TMEM167A: variants seen among roughly 807,000 people sequenced by gnomAD.
The protein encoded by TMEM167A is protein kish-A.
In TMEM167A, 8 loss-of-function variants were observed where a neutral mutation model predicts 11.6. The observed-to-expected ratio is 0.69, with a 90% CI of 0.40 to 1.24. The LOEUF is 1.24. Among genes scored for constraint, TMEM167A ranks in the 50% most tolerant of loss-of-function variants. The pLI is 0.01. For missense variants in TMEM167A, 62 were observed against 87.0 expected (o/e 0.71, Z 1.14); for synonymous variants, 22 against 28.0 (o/e 0.79, Z 0.67).
At chr5:83,074,589 G>A (rs1321137011) in intron 1 of TMEM167A, among the ~76,000 whole-genome samples, 1 of 152,108 alleles carries the variant, frequency 6.6e-6, no homozygotes, top group African/African-American at 2.4e-5. Flanking sequence ...AGTTAACCAA[G>A]TAAAGGTTCG....
chr5:83,053,818 T>G lies in TMEM167A; in HGVS notation c.*3266A>C, dbSNP rs906640172. ...CCCTAACTGAACTGTCACTCTTCTT[T>G]ATTTTCTTCTAGAATCCTGGGATTA... On this transcript the variant is annotated 3_prime_UTR_variant, in exon 4 of 4. Transcript: ENST00000502346. 6 of 152,062 alleles carry G rather than the reference T, an allele frequency of 3.9e-5. No individual in the cohort carries two copies. The highest frequency in any genetic ancestry group is 1.4e-4 in the African/African-American group (6 of 41,440). The allele number at this position is 152,062 out of a possible 1,614,324, so 9.4% of individuals were successfully genotyped here.
At position 83,077,386 on chromosome 5, in the gene TMEM167A, G is replaced by A. The variant is rs562476203; in HGVS notation, c.-63C>T. On this transcript the variant is annotated 5_prime_UTR_variant, in exon 1 of 4. Coordinates refer to ENST00000502346, the MANE Select transcript of TMEM167A (RefSeq NM_174909.5). ...GGGGCTCAGGCGGAAGAGGCTGCAT[G>A]TCCCGTCTGCCCTTCTCGCCCTCTC... The A allele has an allele frequency of 1.9e-6, 3 of 1,613,146 alleles. No individual in the cohort carries two copies. The highest frequency in any genetic ancestry group is 2.5e-6 in the Non-Finnish European group (3 of 1,179,298).
intron 3 of TMEM167A, among the ~76,000 whole-genome samples, chr5:83,058,290 T>C (rs575272176): frequency 1.3e-4 from 20 of 152,218 alleles, no homozygotes; most frequent in South Asian, 2.1e-4. Flanking sequence ...TGTCTGCTCA[T>C]TGTTAATTTC....
intron 1 of TMEM167A, among the ~76,000 whole-genome samples, chr5:83,065,679 T>C (rs1744471719): frequency 6.6e-6 from 1 of 152,130 alleles, no homozygotes; most frequent in Non-Finnish European, 1.5e-5. Context: ...GTAAGTATAA[T>C]GCAATTATTC....
Position 83,056,982 on chromosome 5 carries a change from G to A in TMEM167A, c.*102C>T, listed in dbSNP as rs1744341241. 9.9e-7 allele frequency: 1 copy of A among 1,013,410 alleles called. No individual in the cohort carries two copies. Among genetic ancestry groups the A allele is most frequent in the Non-Finnish European group, 1.5e-6 (1 of 650,302 alleles). The allele number at this position is 1,013,410 out of a possible 1,614,324, so 62.8% of individuals were successfully genotyped here. A position where few individuals can be genotyped will look rare whatever the true frequency, so the allele number is the denominator to read the frequency against. On this transcript the variant is annotated 3_prime_UTR_variant, in exon 4 of 4. Transcript: ENST00000502346. Reference sequence around the variant, plus strand: ...CATCTGGAAATTTATCTCATTCAATGTTCGGAGATAAAAGAGTTAAACATC... The same window carrying A: ...CATCTGGAAATTTATCTCATTCAATATTCGGAGATAAAAGAGTTAAACATC...
chr5:83,071,771 GAAATCAGGCTTGATTAATATTTAGAT>G (rs549807167), intron 1 of TMEM167A, among the ~76,000 whole-genome samples: 383 of 152,274 alleles, frequency 2.5e-3, no homozygotes, highest in African/African-American at 8.5e-3. Flanking sequence ...TTGAGAGCAA[GAAATCAGGCTTGATTAATATTTAGAT>G]ATGAACCCAT....
At chr5:83,073,483 T>C (rs775576689) in intron 1 of TMEM167A, among the ~76,000 whole-genome samples, 16 of 152,220 alleles carry the variant, frequency 1.1e-4, no homozygotes, top group Non-Finnish European at 1.9e-4. Flanking sequence ...CTGAAGTAAA[T>C]GTGAGTTATA....
intron 3 of TMEM167A, among the ~76,000 whole-genome samples, chr5:83,058,181 T>C (rs187008976): frequency 4.6e-5 from 7 of 152,204 alleles, no homozygotes; most frequent in Admixed American, 6.6e-5. Flanking sequence ...AAAATGTTCA[T>C]CCTGACCATC....
At chr5:83,064,290 A>C in intron 2 of TMEM167A, 1 of 518,840 alleles carries the variant, frequency 1.9e-6, no homozygotes, top group Non-Finnish European at 3.8e-6. Flanking sequence ...CATGTTATGA[A>C]CATATTCCTG....
chr5:83,068,733 T>C (rs967971327), intron 1 of TMEM167A, among the ~76,000 whole-genome samples: 1 of 152,210 alleles, frequency 6.6e-6, no homozygotes, highest in East Asian at 1.9e-4. Context: ...AAAAGATTCC[T>C]ACAGTAAAAT....
chr5:83,069,703 A>G lies in TMEM167A; in HGVS notation c.4-4586T>C, dbSNP rs568196540. ...CACATAACAATGTGTATGTTATAGA[A>G]CACATCATACTGTACTGTGATTGTC... On this transcript the variant is annotated intron_variant, in intron 1 of 3. Transcript: ENST00000502346. 9.9e-5 allele frequency among the ~76,000 whole-genome samples: 15 copies of G among 152,220 alleles called. No individual in the cohort carries two copies. In the South Asian group the frequency reaches 3.1e-3, roughly 32 times the overall value.
At position 83,056,527 on chromosome 5, in the gene TMEM167A, T is replaced by C. The variant is rs1744334368; in HGVS notation, c.*557A>G. The stretch of plus-strand genomic sequence containing the variant: ...TTTACCTTCGTCCTTAAGAACTGCA[T>C]AAGCTTGTTTTAAATATTTTAAATA... On this transcript the variant is annotated 3_prime_UTR_variant, in exon 4 of 4. Transcript: ENST00000502346. The C allele has an allele frequency of 6.5e-6, 1 of 154,212 alleles. No homozygotes were observed. The highest frequency in any genetic ancestry group is 2.4e-5 in the African/African-American group (1 of 41,456). 9.6% of individuals were successfully genotyped at this position (154,212 alleles called of 1,614,324 possible).
rs200683802 is a variant in TMEM167A at position 83,071,754 on chromosome 5, GTTTAA to G, written c.3+5562_3+5566del. ...TGCACCAAATAGGCAAGTAACCTCAGTTTAATTTGAGAGCAAGAAATCAGGCTTGA... is the reference window on the plus strand; with the variant it reads ...TGCACCAAATAGGCAAGTAACCTCAGTTTGAGAGCAAGAAATCAGGCTTGA... On this transcript the variant is annotated intron_variant, in intron 1 of 3. Coordinates refer to ENST00000502346, the MANE Select transcript of TMEM167A (RefSeq NM_174909.5). Among the ~76,000 whole-genome samples the G allele has an allele frequency of 8.6e-4, 131 of 152,246 alleles. 1 individual carries two copies. The highest frequency in any genetic ancestry group is 2.9e-3 in the African/African-American group (120 of 41,566).
chr5:83,058,138 T>A (rs978431679), intron 3 of TMEM167A, among the ~76,000 whole-genome samples: 8 of 152,038 alleles, frequency 5.3e-5, no homozygotes, highest in African/African-American at 1.9e-4. Context: ...AAACTCCTTA[T>A]CCCACTTAGC....
intron 3 of TMEM167A, among the ~76,000 whole-genome samples, chr5:83,059,968 T>C (rs1744384705): frequency 7.7e-6 from 1 of 130,000 alleles, no homozygotes; most frequent in Non-Finnish European, 1.7e-5. Flanking sequence ...ATGATACTTA[T>C]TACAAAAGAA....
At chr5:83,070,247 C>A (rs911966886) in intron 1 of TMEM167A, among the ~76,000 whole-genome samples, 1 of 152,092 alleles carries the variant, frequency 6.6e-6, no homozygotes, top group Non-Finnish European at 1.5e-5. Flanking sequence ...CGACTGAGTA[C>A]GCAGGTTCTG....
intron 2 of TMEM167A, 28 bp from the exon 3 acceptor site, chr5:83,061,939 T>C (rs1206088267): frequency 1.9e-6 from 3 of 1,581,914 alleles, no homozygotes; most frequent in South Asian, 1.1e-5. Context: ...AGAAAAAAAG[T>C]AGCTATTGAT....
chr5:83,076,615 C>T (rs780631128), intron 1 of TMEM167A, among the ~76,000 whole-genome samples: 4 of 152,190 alleles, frequency 2.6e-5, no homozygotes, highest in Non-Finnish European at 4.4e-5. Flanking sequence ...GAGACTCAAG[C>T]TTTTTGGAGT....
intron 1 of TMEM167A, among the ~76,000 whole-genome samples, chr5:83,072,912 T>C (rs1744584759): frequency 6.6e-6 from 1 of 152,216 alleles, no homozygotes; most frequent in South Asian, 2.1e-4. Context: ...AGATCAGAAC[T>C]ATTTTTATAA....
Sources: allele counts gnomAD v4.1 joint callset (sites outside exome capture counted in the v4.1 genomes callset), GRCh38; gene constraint gnomAD v4.1.1; transcripts MANE v1.5; gene names NCBI Gene and HGNC (gene_info 2026-07-23, HGNC 2026-07-21).